SAMSN1: variants seen among roughly 807,000 people sequenced by gnomAD.
The protein encoded by SAMSN1 is SAM domain, SH3 domain and nuclear localization signals 1.
SAMSN1 carries 31 observed loss-of-function variants against 42.0 expected under a neutral mutation model. The ratio of observed to expected loss-of-function variants is 0.74; its 90% CI spans 0.55 to 1.00. SAMSN1 has a LOEUF of 1.00. SAMSN1 is among the 50% of genes least tolerant of loss of function. The pLI, the probability that SAMSN1 is intolerant of heterozygous loss-of-function variation, is 0.00. For synonymous variants in SAMSN1, 178 were observed against 151.9 expected (o/e 1.17, Z -1.26); for missense variants, 464 against 439.4 (o/e 1.06, Z -0.50).
chr21:14,576,267 A>G (rs1353521017), intron 2 of SAMSN1, among the ~76,000 whole-genome samples: 1 of 152,114 alleles, frequency 6.6e-6, no homozygotes, highest in Non-Finnish European at 1.5e-5. Context: ...AAGAAAATTA[A>G]TCTGTTAGAT....
chr21:14,539,805 T>C (rs928296585), intron 1 of SAMSN1, among the ~76,000 whole-genome samples: 3 of 152,150 alleles, frequency 2.0e-5, no homozygotes, highest in Non-Finnish European at 2.9e-5. Context: ...TTGAAGTTCA[T>C]ATGCAACCAA....
chr21:14,489,122 C>T (rs540392058), intron 7 of SAMSN1, among the ~76,000 whole-genome samples: 32 of 152,092 alleles, frequency 2.1e-4, no homozygotes, highest in Non-Finnish European at 4.4e-4. Flanking sequence ...GTCATTTAGT[C>T]CCTTCATGTG....
intron 1 of SAMSN1, among the ~76,000 whole-genome samples, chr21:14,537,049 C>A (rs1979670118): frequency 6.6e-6 from 1 of 152,212 alleles, no homozygotes; most frequent in Non-Finnish European, 1.5e-5. Context: ...CCAAAATAAA[C>A]CCACTAAACT....
chr21:14,592,657 GA>G, intron 7 of SAMSN1: 12 of 383,514 alleles, frequency 3.1e-5, no homozygotes, highest in Non-Finnish European at 5.0e-5. Flanking sequence ...AAATATCAAG[GA>G]AAAAGTGAGA....
chr21:14,619,992 ATCT>A (rs1427284344), intron 2 of SAMSN1, among the ~76,000 whole-genome samples: 3 of 151,168 alleles, frequency 2.0e-5, no homozygotes, highest in East Asian at 3.9e-4. Flanking sequence ...TCAGAGAGTG[ATCT>A]TCTTAGATTT....
chr21:14,539,953 C>A (rs1049033662), intron 1 of SAMSN1, among the ~76,000 whole-genome samples: 1 of 152,076 alleles, frequency 6.6e-6, no homozygotes, highest in African/African-American at 2.4e-5. Flanking sequence ...AGATATAGAC[C>A]AATGGAACAG....
chr21:14,582,724 A>T (rs1981783176), intron 1 of SAMSN1, among the ~76,000 whole-genome samples: 1 of 152,160 alleles, frequency 6.6e-6, no homozygotes, highest in East Asian at 1.9e-4. Flanking sequence ...ATAACAATTG[A>T]TTAAATTCTA....
intron 7 of SAMSN1, among the ~76,000 whole-genome samples, chr21:14,487,231 G>A (rs8128752): frequency 0.012 from 1,899 of 152,164 alleles, 39 homozygotes; most frequent in African/African-American, 0.043. Context: ...TGAGAATAAA[G>A]TAAATCCAAA....
intron 7 of SAMSN1, among the ~76,000 whole-genome samples, chr21:14,490,551 G>A (rs1986639189): frequency 6.6e-6 from 1 of 152,152 alleles, no homozygotes; most frequent in Non-Finnish European, 1.5e-5. Context: ...AACATGGCAT[G>A]TCTCTCAGTT....
intron 2 of SAMSN1, among the ~76,000 whole-genome samples, chr21:14,565,053 G>A (rs188342579): frequency 5.0e-4 from 76 of 152,200 alleles, no homozygotes; most frequent in African/African-American, 1.8e-3. Flanking sequence ...CCAGCACTTT[G>A]GGAGGCTGAG....
chr21:14,545,747 A>C (rs1980350636), intron 1 of SAMSN1, among the ~76,000 whole-genome samples: 1 of 152,194 alleles, frequency 6.6e-6, no homozygotes, highest in South Asian at 2.1e-4. Flanking sequence ...AAAAATGAGA[A>C]AAGTCTTATA....
intron 6 of SAMSN1, among the ~76,000 whole-genome samples, chr21:14,600,116 T>G (rs1892918438): frequency 6.6e-6 from 1 of 152,110 alleles, no homozygotes; most frequent in African/African-American, 2.4e-5. Context: ...GAAAAACACT[T>G]ATCTGATAGT....
chr21:14,641,905 T>C (rs929916790), intron 2 of SAMSN1, among the ~76,000 whole-genome samples: 1 of 152,196 alleles, frequency 6.6e-6, no homozygotes, highest in Non-Finnish European at 1.5e-5. Context: ...TAGTCTACTA[T>C]TGACTGGAAG....
intron 1 of SAMSN1, among the ~76,000 whole-genome samples, chr21:14,544,362 T>C (rs1980251432): frequency 6.6e-6 from 1 of 152,238 alleles, no homozygotes; most frequent in South Asian, 2.1e-4. Flanking sequence ...GATACTGCTC[T>C]TTATTCATAT....
chr21:14,621,547 C>T (rs969012674), intron 2 of SAMSN1, among the ~76,000 whole-genome samples: 1 of 152,202 alleles, frequency 6.6e-6, no homozygotes, highest in Non-Finnish European at 1.5e-5. Flanking sequence ...TCACTCATTG[C>T]TAGCACAGCA....
At chr21:14,657,751 G>T (rs1254575453) in intron 1 of SAMSN1, among the ~76,000 whole-genome samples, 1 of 151,762 alleles carries the variant, frequency 6.6e-6, no homozygotes, top group African/African-American at 2.4e-5. Flanking sequence ...CAGTTATTTT[G>T]TAAATTGGAC....
At chr21:14,595,629 T>C (rs1321170569) in intron 6 of SAMSN1, among the ~76,000 whole-genome samples, 1 of 152,176 alleles carries the variant, frequency 6.6e-6, no homozygotes, top group Non-Finnish European at 1.5e-5. Context: ...AGAAGTTTTA[T>C]TGTCACTATT....
At chr21:14,654,419 G>A (rs1757338424) in intron 1 of SAMSN1, among the ~76,000 whole-genome samples, 1 of 152,010 alleles carries the variant, frequency 6.6e-6, no homozygotes, top group African/African-American at 2.4e-5. Context: ...ACAAAGTAGT[G>A]AGTGAAACTA....
At chr21:14,499,743 G>C (rs1476953716) in intron 6 of SAMSN1, among the ~76,000 whole-genome samples, 2 of 152,054 alleles carry the variant, frequency 1.3e-5, no homozygotes, top group Non-Finnish European at 2.9e-5. Flanking sequence ...CATTTGAGGT[G>C]CACCAAGAGT....
Sources: gnomAD v4.1 joint callset for allele counts (sites outside exome capture counted in the v4.1 genomes callset) on GRCh38, gnomAD v4.1.1 for gene constraint, MANE v1.5 for transcripts, NCBI Gene and HGNC (gene_info 2026-07-23, HGNC 2026-07-21) for gene names.